The following SNX18 variants were observed in gnomAD, a reference collection of about 807,000 sequenced individuals.
SNX18 encodes sorting nexin 18.
A neutral mutation model predicts 48.7 loss-of-function variants in SNX18; 35 were observed. The observed-to-expected ratio is 0.72, with a 90% CI of 0.55 to 0.95. The LOEUF is 0.95. Ranked by LOEUF, SNX18 falls within the 40% of genes least tolerant of loss-of-function variation. The probability of loss-of-function intolerance (pLI) is 0.00; values close to 1 mark genes in which losing one functional copy is unlikely to be tolerated. For synonymous variants in SNX18, 492 were observed against 384.7 expected, an observed-to-expected ratio of 1.28 and a Z score of -3.26; for missense variants, 824 against 871.0, an observed-to-expected ratio of 0.95 and a Z score of 0.68.
chr5:54,586,327 C>T, the SNX18 span, among the ~76,000 whole-genome samples: 3 of 152,200 alleles, frequency 2.0e-5, no homozygotes, highest in Non-Finnish European at 4.4e-5. Flanking sequence ...TTTACATCTG[C>T]AGCCTGGCGT....
intron 1 of SNX18, 64 bp from the exon 2 acceptor site, chr5:54,543,115 G>GA: frequency 8.7e-6 from 13 of 1,488,338 alleles, no homozygotes; most frequent in African/African-American, 1.4e-5. Context: ...TGTTTAATAT[G>GA]TAGTTATGTT....
At chr5:54,561,063 A>G in the SNX18 span, among the ~76,000 whole-genome samples, 31 of 152,284 alleles carry the variant, frequency 2.0e-4, no homozygotes, top group African/African-American at 7.5e-4. Context: ...TTTGTTTGAG[A>G]TGGAGTTTTG....
At chr5:54,571,237 C>T in the SNX18 span, among the ~76,000 whole-genome samples, 2 of 152,108 alleles carry the variant, frequency 1.3e-5, no homozygotes, top group Non-Finnish European at 2.9e-5. Context: ...CCAGGGCACC[C>T]CTCCCAGTCT....
chr5:54,525,563 G>A (rs1174270100), intron 1 of SNX18, among the ~76,000 whole-genome samples: 1 of 152,106 alleles, frequency 6.6e-6, no homozygotes, highest in Non-Finnish European at 1.5e-5. Flanking sequence ...GGAAGTAATG[G>A]CAACTGGGAT....
the SNX18 span, among the ~76,000 whole-genome samples, chr5:54,632,108 G>T: frequency 1.5e-3 from 223 of 152,298 alleles, 1 homozygote; most frequent in African/African-American, 5.0e-3. Context: ...TAGCAGTCTT[G>T]GGAAGATGCT....
chr5:54,637,030 G>A, the SNX18 span, among the ~76,000 whole-genome samples: 1 of 152,120 alleles, frequency 6.6e-6, no homozygotes, highest in Non-Finnish European at 1.5e-5. Context: ...TGAGGCAATA[G>A]CCAAATAGAC....
chr5:54,629,786 T>G, the SNX18 span, among the ~76,000 whole-genome samples: 1 of 152,226 alleles, frequency 6.6e-6, no homozygotes, highest in Admixed American at 6.5e-5. Flanking sequence ...TGTGGATATC[T>G]CGTCTTTCTT....
chr5:54,518,030 G>A lies in SNX18; in HGVS notation c.78G>A (p.Val26=), dbSNP rs1471086810. ...AGATCTCGCTGCGAGAGCACGAGGTGCTGAGCCTGTGCAGCGAGCAGGACA... is the reference window on the plus strand; with the variant it reads ...AGATCTCGCTGCGAGAGCACGAGGTACTGAGCCTGTGCAGCGAGCAGGACA... ...PGEISLREHE[V]LSLCSEQDIE... Residue 26 remains valine, a synonymous_variant, in exon 1 of 2, where the codon GTG becomes GTA. Transcript: ENST00000381410. 2 of 1,548,500 alleles carry A rather than the reference G, an allele frequency of 1.3e-6. No homozygotes were observed. The highest frequency in any genetic ancestry group is 2.4e-5 in the South Asian group (2 of 84,304).
At chr5:54,556,294 C>T in the SNX18 span, among the ~76,000 whole-genome samples, 4 of 152,172 alleles carry the variant, frequency 2.6e-5, no homozygotes. Context: ...AAAGAGACTT[C>T]TGAGCTAAAA....
chr5:54,643,073 G>A, the SNX18 span, among the ~76,000 whole-genome samples: 4 of 152,098 alleles, frequency 2.6e-5, no homozygotes, highest in Admixed American at 2.6e-4. Context: ...TAATGCTGTT[G>A]TTGTGTCTAA....
rs746238651 is a variant in SNX18 at position 54,518,677 on chromosome 5, C to G, written c.725C>G (p.Ala242Gly). The stretch of plus-strand genomic sequence containing the variant: ...ACCTTCGTCAAGTCCGGCGGGGAGG[C>G]CTTCGTGCTGGGGGAGGCGTCAGGC... ...FSTFVKSGGE[A>G]FVLGEASGFV... Residue 242 changes from alanine to glycine, a missense_variant, in exon 1 of 2, where the codon GCC becomes GGC. Around this residue, in one of 3 missense-constraint regions of SNX18, gnomAD observed 4 missense variants for 16.8 expected, o/e 0.24. Transcript: ENST00000381410. 1.9e-6 allele frequency: 3 copies of G among 1,566,300 alleles called. No homozygotes were observed. The highest frequency in any genetic ancestry group is 1.4e-5 in the African/African-American group (1 of 73,358).
the SNX18 span, among the ~76,000 whole-genome samples, chr5:54,633,773 T>A: frequency 6.6e-6 from 1 of 152,218 alleles, no homozygotes; most frequent in Non-Finnish European, 1.5e-5. Context: ...TAATGGAGCT[T>A]GAACATAAAT....
At chr5:54,619,925 G>A in the SNX18 span, among the ~76,000 whole-genome samples, 5 of 152,128 alleles carry the variant, frequency 3.3e-5, no homozygotes, top group East Asian at 5.8e-4. Flanking sequence ...TTCATCTGGG[G>A]CCCAGTAAAT....
At chr5:54,643,917 C>T in the SNX18 span, 101,899 of 152,166 alleles carry the variant, frequency 0.67, 34,230 homozygotes, top group East Asian at 0.72. Context: ...AGGGAAAAAA[C>T]GTGAGTGCTC....
the SNX18 span, among the ~76,000 whole-genome samples, chr5:54,613,922 C>A: frequency 8.5e-5 from 13 of 152,160 alleles, no homozygotes; most frequent in South Asian, 2.1e-4. Flanking sequence ...CTCGAACTCC[C>A]GACCTCAGGT....
chr5:54,558,708 T>A, the SNX18 span, among the ~76,000 whole-genome samples: 1 of 152,206 alleles, frequency 6.6e-6, no homozygotes. Context: ...CACTTCCTAC[T>A]GGGTTTTATA....
At chr5:54,634,403 T>C in the SNX18 span, among the ~76,000 whole-genome samples, 1 of 152,162 alleles carries the variant, frequency 6.6e-6, no homozygotes, top group South Asian at 2.1e-4. Flanking sequence ...TCTCAGTGGA[T>C]AGGAGCCAGT....
chr5:54,602,595 GA>G, the SNX18 span, among the ~76,000 whole-genome samples: 1 of 152,292 alleles, frequency 6.6e-6, no homozygotes. Flanking sequence ...GGCAGAAGGA[GA>G]GACTGAGGCA....
chr5:54,647,638 A>G, the SNX18 span, among the ~76,000 whole-genome samples: 159 of 152,300 alleles, frequency 1.0e-3, 1 homozygote, highest in African/African-American at 3.6e-3. Context: ...AATCAAAGTC[A>G]TCATCCTGAA....
Sources: allele counts gnomAD v4.1 joint callset (sites outside exome capture counted in the v4.1 genomes callset), GRCh38; gene constraint gnomAD v4.1.1; regional missense constraint gnomAD v4.1.1; transcripts MANE v1.5; gene names NCBI Gene and HGNC (gene_info 2026-07-23, HGNC 2026-07-21).